TACC2: variants seen among roughly 807,000 people sequenced by gnomAD.
TACC2 encodes transforming acidic coiled-coil containing protein 2.
TACC2 carries 137 observed loss-of-function variants against 227.3 expected under a neutral mutation model. That is an observed-to-expected ratio of 0.60 (90% confidence interval 0.52 to 0.69). The LOEUF (loss-of-function observed/expected upper bound fraction) is 0.69, where lower values mean the gene tolerates loss of function less well. Among genes scored for constraint, TACC2 ranks in the 30% least tolerant of loss-of-function variants. The pLI is 0.00. For synonymous variants in TACC2, 1,523 were observed against 1,487.5 expected (o/e 1.02, Z -0.55); for missense variants, 3,470 against 3,694.4 (o/e 0.94, Z 1.57).
intron 1 of TACC2, among the ~76,000 whole-genome samples, chr10:122,001,412 C>T (rs1260444206): frequency 6.6e-6 from 1 of 151,902 alleles, no homozygotes. Flanking sequence ...GACTTATTCG[C>T]TATCACAAGA....
At chr10:122,240,931 A>G (rs1228413179) in intron 18 of TACC2, among the ~76,000 whole-genome samples, 2 of 152,086 alleles carry the variant, frequency 1.3e-5, no homozygotes, top group Non-Finnish European at 2.9e-5. Flanking sequence ...CAAGAAGTTT[A>G]CTCTGGGCCA....
intron 9 of TACC2, 31 bp from the exon 10 acceptor site, chr10:122,215,357 CTTG>C (rs1334134231): frequency 6.3e-7 from 1 of 1,599,712 alleles, no homozygotes; most frequent in Non-Finnish European, 8.6e-7. Flanking sequence ...CGTCCCTCTG[CTTG>C]TTGTGTTTAC....
In TACC2 at chr10:122,210,982, C is replaced by A. The variant is rs944637263; in HGVS notation, c.6557C>A (p.Ala2186Asp). The A allele has an allele frequency of 1.2e-6, 2 of 1,613,182 alleles. No homozygotes were observed. The highest frequency in any genetic ancestry group is 1.1e-5 in the South Asian group (1 of 90,916). ...GCCAAGACGGAAGGTCCTAGCCCAG[C>A]CTTATTGGAGGAGACGCCCCTTGAG... is the stretch of plus-strand genomic sequence containing the variant. ...ESAKTEGPSP[A>D]LLEETPLEPA... The change falls in exon 9 of 23, where the codon GCC becomes GAC. Residue 2186 changes from alanine to aspartate, a missense_variant. Around this residue, in one of 10 missense-constraint regions of TACC2, gnomAD observed 593 missense variants for 636.6 expected, o/e 0.93. Coordinates refer to ENST00000369005, the MANE Select transcript of TACC2 (RefSeq NM_206862.4). This position sits in a 1 kb window ranked among gnomAD's most constrained non-coding sequence, Gnocchi z 4.6.
chr10:122,068,796 T>A (rs1326398289), intron 3 of TACC2, among the ~76,000 whole-genome samples: 1 of 151,708 alleles, frequency 6.6e-6, no homozygotes, highest in African/African-American at 2.4e-5. Context: ...CCTGAGTAGC[T>A]AGGACTACAG....
intron 7 of TACC2, chr10:122,163,729 C>T (rs983200476): frequency 9.5e-6 from 11 of 1,163,236 alleles, no homozygotes; most frequent in Non-Finnish European, 1.1e-5. Context: ...GCGGCGCTCG[C>T]CCCCCGGCCC....
At chr10:122,217,795 A>G (rs2095441244) in intron 11 of TACC2, among the ~76,000 whole-genome samples, 1 of 151,606 alleles carries the variant, frequency 6.6e-6, no homozygotes, top group Non-Finnish European at 1.5e-5. Flanking sequence ...GGGAGGGATG[A>G]CCCCATTGCC....
At chr10:122,173,074 C>T (rs781323325) in intron 7 of TACC2, among the ~76,000 whole-genome samples, 1 of 152,118 alleles carries the variant, frequency 6.6e-6, no homozygotes, top group Non-Finnish European at 1.5e-5. Context: ...AAAACCAATT[C>T]AAACTGACTT....
intron 8 of TACC2, among the ~76,000 whole-genome samples, chr10:122,201,688 C>G (rs1316143961): frequency 2.0e-5 from 3 of 152,222 alleles, no homozygotes; most frequent in Non-Finnish European, 4.4e-5. Flanking sequence ...TCCTGGGATG[C>G]TCGGGGCTCT....
chr10:122,188,460 C>CT (rs1035268050), intron 7 of TACC2, among the ~76,000 whole-genome samples: 130 of 150,868 alleles, frequency 8.6e-4, no homozygotes, highest in African/African-American at 3.0e-3. Context: ...TTGTATTTTT[C>CT]TTTTTTTTTA....
chr10:122,062,392 C>T (rs770533920), intron 3 of TACC2, among the ~76,000 whole-genome samples: 47 of 152,016 alleles, frequency 3.1e-4, no homozygotes, highest in Non-Finnish European at 5.9e-4. Context: ...CCACAACCTC[C>T]ACCTCCCGGG....
chr10:122,083,728 C>A lies in TACC2; in HGVS notation c.1228C>A (p.Leu410Ile). Reference protein sequence around the residue: ...GLPVSPEPSLLTPTEEAHPAS... With the variant: ...GLPVSPEPSLITPTEEAHPAS... ...GCCTGTGAGCCCTGAACCTTCCCTG[C>A]TCACTCCGACTGAGGAAGCACATCC... is the stretch of plus-strand genomic sequence containing the variant. Residue 410 changes from leucine (L) to isoleucine (I), a missense_variant, in exon 4 of 23, where the codon CTC becomes ATC. Physicochemically the swap from Leu to Ile is conservative, Grantham distance 5. This residue lies in a region of TACC2 where 1,924 missense variants were observed against 1,978.3 expected (regional missense o/e 0.97). Transcript: ENST00000369005. 6.2e-7 allele frequency: 1 copy of A among 1,613,964 alleles called. No individual in the cohort carries two copies. Among genetic ancestry groups the A allele is most frequent in the Non-Finnish European group, 8.5e-7 (1 of 1,180,036 alleles).
intron 5 of TACC2, among the ~76,000 whole-genome samples, chr10:122,131,244 G>A (rs1451616413): frequency 1.3e-5 from 2 of 151,768 alleles, no homozygotes; most frequent in East Asian, 3.9e-4. Flanking sequence ...GTCCCATGAA[G>A]GCAGGGACCG....
intron 3 of TACC2, among the ~76,000 whole-genome samples, chr10:122,082,260 A>G (rs549690201): frequency 5.3e-5 from 8 of 152,316 alleles, no homozygotes; most frequent in South Asian, 2.1e-4. Flanking sequence ...GTAAGCTATC[A>G]TTGTGCCACT....
chr10:122,062,400 G>A (rs776402915), intron 3 of TACC2, among the ~76,000 whole-genome samples: 4 of 151,634 alleles, frequency 2.6e-5, no homozygotes, highest in Non-Finnish European at 4.4e-5. Context: ...TCCACCTCCC[G>A]GGTTCAAGTG....
At chr10:122,164,376 G>C (rs1214661826) in intron 7 of TACC2, among the ~76,000 whole-genome samples, 1 of 152,254 alleles carries the variant, frequency 6.6e-6, no homozygotes, top group Non-Finnish European at 1.5e-5. Context: ...CGTGCCCGGG[G>C]CGACAGCCCA....
chr10:122,029,323 A>G (rs539560455), intron 2 of TACC2, among the ~76,000 whole-genome samples: 1 of 152,128 alleles, frequency 6.6e-6, no homozygotes, highest in South Asian at 2.1e-4. Flanking sequence ...CTGTTGATAT[A>G]TTGAACTACA....
intron 6 of TACC2, among the ~76,000 whole-genome samples, chr10:122,134,654 C>A (rs1187196680): frequency 2.0e-5 from 3 of 152,192 alleles, no homozygotes; most frequent in Admixed American, 2.0e-4. Context: ...GCTCCCTGAC[C>A]ACCACCGTTT....
intron 5 of TACC2, chr10:122,088,848 C>T (rs770983985): frequency 3.3e-5 from 39 of 1,187,596 alleles, no homozygotes; most frequent in Admixed American, 2.2e-4. Flanking sequence ...AGTCTGGGTG[C>T]GGTGGCTCAT....
chr10:122,237,468 T>G lies in TACC2; in HGVS notation c.8201T>G (p.Val2734Gly). The change falls in exon 17 of 23, where the codon GTG (valine) becomes GGG (glycine). Residue 2734 changes from valine (V) to glycine (G), a missense_variant. By Grantham distance (109) the Val-to-Gly change is moderately radical (BLOSUM62 -3). Transcript: ENST00000369005. ...ALYSRIGTAE[V>G]EKPAGLLFQQ... is the part of the protein sequence containing the mutation. ...TACTCCCGCATCGGGACCGCTGAGG[T>G]GGAGAAACCTGCAGGCCTTCTGTTC... 1 of 1,613,936 alleles carries G rather than the reference T, an allele frequency of 6.2e-7. No homozygotes were observed. The highest frequency in any genetic ancestry group is 1.7e-5 in the Admixed American group (1 of 59,994).
Sources: gnomAD v4.1 joint callset for allele counts (sites outside exome capture counted in the v4.1 genomes callset) on GRCh38, gnomAD v4.1.1 for gene constraint, gnomAD v4.1.1 regional missense constraint, Gnocchi (gnomAD v3.1) non-coding constraint, MANE v1.5 for transcripts, NCBI Gene and HGNC (gene_info 2026-07-23, HGNC 2026-07-21) for gene names.